The following CFH variants were observed in gnomAD, a reference collection of about 807,000 sequenced individuals.
CFH encodes H factor 1 (complement).
CFH carries 53 observed loss-of-function variants against 147.3 expected under a neutral mutation model. The ratio of observed to expected loss-of-function variants is 0.36; its 90% CI spans 0.29 to 0.45. CFH has a LOEUF of 0.45. CFH is among the 20% of genes least tolerant of loss of function. CFH has a pLI of 1.00. For synonymous variants in CFH, 536 were observed against 489.4 expected, an observed-to-expected ratio of 1.10 and a Z score of -1.26; for missense variants, 1,380 against 1,498.0, an observed-to-expected ratio of 0.92 and a Z score of 1.30.
intron 9 of CFH, among the ~76,000 whole-genome samples, chr1:196,692,091 T>C (rs146077466): frequency 6.6e-6 from 1 of 152,034 alleles, no homozygotes; most frequent in Admixed American, 6.6e-5. Context: ...TAGTAAACAA[T>C]TTTTTAACCA....
chr1:196,666,734 C>T lies in CFH; in HGVS notation c.59-6244C>T, dbSNP rs184493663. On this transcript the variant is annotated intron_variant, in intron 1 of 21. Coordinates refer to ENST00000367429, the MANE Select transcript of CFH (RefSeq NM_000186.4). ...GGCTGAGGCAGGAGAATGGCGTGAACCCAGGAGTGGAGGTTGTGGTGAGCT... is the reference window on the plus strand; with the variant it reads ...GGCTGAGGCAGGAGAATGGCGTGAATCCAGGAGTGGAGGTTGTGGTGAGCT... Among the ~76,000 whole-genome samples the T allele has an allele frequency of 2.6e-3, 381 of 147,292 alleles. 1 individual carries two copies. The highest frequency in any genetic ancestry group is 0.013 in the East Asian group (66 of 5,000).
At chr1:196,731,953 T>G (rs538930503) in intron 15 of CFH, among the ~76,000 whole-genome samples, 151 of 152,062 alleles carry the variant, frequency 9.9e-4, no homozygotes, top group Admixed American at 3.2e-3. Context: ...GATTGTGTTA[T>G]GTCTTAAAGT....
Position 196,726,591 on chromosome 1 carries a change from G to T in CFH, c.1995G>T (p.Met665Ile). ...VEYYCNPRFLMKGPNKIQCVD... is the reference protein window; with the variant it reads ...VEYYCNPRFLIKGPNKIQCVD... ...ATTATTGCAATCCTAGATTTCTAAT[G>T]AAGGGACCTAATAAAATTCAATGTG... The change falls in exon 13 of 22, where the codon ATG (methionine) becomes ATT (isoleucine). Residue 665 changes from methionine (M) to isoleucine (I), a missense_variant. Physicochemically the swap from Met to Ile is conservative, Grantham distance 10. Around this residue, in one of 4 missense-constraint regions of CFH, gnomAD observed 830 missense variants for 821.4 expected, o/e 1.01. Transcript: ENST00000367429. 1 of 1,612,568 alleles carries T rather than the reference G, an allele frequency of 6.2e-7. No individual in the cohort carries two copies. The highest frequency in any genetic ancestry group is 1.1e-5 in the South Asian group (1 of 91,060).
chr1:196,673,690 G>T (rs1033411257), intron 2 of CFH, among the ~76,000 whole-genome samples, 167 bp from the exon 3 acceptor site: 2 of 152,080 alleles, frequency 1.3e-5, no homozygotes, highest in Non-Finnish European at 2.9e-5. Flanking sequence ...AAAAAAGCAA[G>T]CATATAGTTT....
At chr1:196,715,453 A>G in intron 10 of CFH, 140 bp from the exon 11 acceptor site, 1 of 652,976 alleles carries the variant, frequency 1.5e-6, no homozygotes, top group South Asian at 1.9e-5. Flanking sequence ...ACAAATTCTC[A>G]CCAGTCATAG....
At chr1:196,692,387 C>G (rs1162148821) in intron 9 of CFH, 1 of 837,890 alleles carries the variant, frequency 1.2e-6, no homozygotes, top group South Asian at 5.6e-5. Flanking sequence ...TTAATTGAGG[C>G]TAATAATATG....
At chr1:196,663,735 T>C (rs1666983429) in intron 1 of CFH, among the ~76,000 whole-genome samples, 1 of 152,210 alleles carries the variant, frequency 6.6e-6, no homozygotes, top group Non-Finnish European at 1.5e-5. Context: ...AATTTGTGCT[T>C]TAAAATTCCT....
intron 11 of CFH, among the ~76,000 whole-genome samples, chr1:196,722,033 C>G (rs931582606): frequency 6.6e-6 from 1 of 151,968 alleles, no homozygotes; most frequent in Non-Finnish European, 1.5e-5. Flanking sequence ...AACATTTAAT[C>G]TATTTATGTT....
chr1:196,654,543 T>C (rs1193197183), intron 1 of CFH, among the ~76,000 whole-genome samples: 1 of 152,174 alleles, frequency 6.6e-6, no homozygotes, highest in Non-Finnish European at 1.5e-5. Flanking sequence ...CCACCTAATT[T>C]CACCTTTTTG....
chr1:196,685,359 G>T, intron 7 of CFH, 122 bp downstream of exon 7: 1 of 1,046,604 alleles, frequency 9.6e-7, no homozygotes, highest in Non-Finnish European at 1.5e-6. Context: ...AAGGCTGTTG[G>T]AAGCATTCTT....
At chr1:196,658,179 T>C (rs1666769993) in intron 1 of CFH, among the ~76,000 whole-genome samples, 1 of 151,932 alleles carries the variant, frequency 6.6e-6, no homozygotes, top group Non-Finnish European at 1.5e-5. Context: ...ACATTCCTAC[T>C]CTTTACCAGT....
intron 14 of CFH, 143 bp downstream of exon 14, chr1:196,727,083 G>T (rs1217874270): frequency 7.0e-6 from 5 of 712,388 alleles, no homozygotes; most frequent in Non-Finnish European, 1.2e-5. Context: ...TTTGCATATT[G>T]CTTATAATTC....
intron 1 of CFH, among the ~76,000 whole-genome samples, chr1:196,662,481 A>T (rs573348738): frequency 0.012 from 1,828 of 151,908 alleles, 42 homozygotes; most frequent in African/African-American, 0.042. Context: ...TTTGTTTTTC[A>T]TTTCTTCTTT....
At chr1:196,698,646 AC>A (rs1378399572) in intron 9 of CFH, among the ~76,000 whole-genome samples, 1 of 152,216 alleles carries the variant, frequency 6.6e-6, no homozygotes, top group Non-Finnish European at 1.5e-5. Flanking sequence ...TACCAGAGGT[AC>A]TAAGAGGAGT....
chr1:196,723,953 C>T (rs1371308941), intron 11 of CFH, among the ~76,000 whole-genome samples: 1 of 152,024 alleles, frequency 6.6e-6, no homozygotes, highest in Non-Finnish European at 1.5e-5. Flanking sequence ...CCCCTCTCTA[C>T]ATCCGTGCCC....
At chr1:196,733,338 A>G (rs1669323949) in intron 15 of CFH, among the ~76,000 whole-genome samples, 1 of 152,020 alleles carries the variant, frequency 6.6e-6, no homozygotes, top group Non-Finnish European at 1.5e-5. Flanking sequence ...CACTGCTCCA[A>G]TTTGGCATAG....
In CFH at chr1:196,679,673, A is replaced by G; in HGVS notation, c.670A>G (p.Lys224Glu). The change falls in exon 6 of 22, where the codon AAG (lysine) becomes GAG (glutamate). Residue 224 changes from lysine (K) to glutamate (E), a missense_variant. Lys to Glu is a moderately conservative substitution (Grantham distance 56, BLOSUM62 1). Around this residue, in one of 4 missense-constraint regions of CFH, gnomAD observed 167 missense variants for 228.0 expected, o/e 0.73. Coordinates refer to ENST00000367429, the MANE Select transcript of CFH (RefSeq NM_000186.4). ...DVINGSPISQ[K>E]IIYKENERFQ... Reference sequence around the variant, plus strand: ...TATAAATGGATCTCCTATATCTCAGAAGATTATTTATAAGGAGAATGAACG... The same window carrying G: ...TATAAATGGATCTCCTATATCTCAGGAGATTATTTATAAGGAGAATGAACG... 1 of 1,608,024 alleles carries G rather than the reference A, an allele frequency of 6.2e-7. No individual in the cohort carries two copies. Among genetic ancestry groups the G allele is most frequent in the Non-Finnish European group, 8.5e-7 (1 of 1,175,382 alleles).
chr1:196,683,131 T>C (rs1368527293), intron 6 of CFH, among the ~76,000 whole-genome samples: 1 of 150,720 alleles, frequency 6.6e-6, no homozygotes, highest in African/African-American at 2.4e-5. Flanking sequence ...GCAAAAAATA[T>C]AAAGTAAAGG....
At chr1:196,702,413 A>G (rs2149096864) in intron 9 of CFH, among the ~76,000 whole-genome samples, 1 of 152,194 alleles carries the variant, frequency 6.6e-6, no homozygotes, top group South Asian at 2.1e-4. Flanking sequence ...AGGCCAGCCT[A>G]TAGGATTTAT....
Sources: gnomAD v4.1 joint callset for allele counts (sites outside exome capture counted in the v4.1 genomes callset) on GRCh38, gnomAD v4.1.1 for gene constraint, gnomAD v4.1.1 regional missense constraint, MANE v1.5 for transcripts, NCBI Gene and HGNC (gene_info 2026-07-23, HGNC 2026-07-21) for gene names.